The following USH2A variants were observed in gnomAD, a reference collection of about 807,000 sequenced individuals.
USH2A encodes Usher syndrome 2A (autosomal recessive, mild).
USH2A carries 443 observed loss-of-function variants against 538.9 expected under a neutral mutation model. The ratio of observed to expected loss-of-function variants is 0.82; its 90% CI spans 0.76 to 0.89. The LOEUF (loss-of-function observed/expected upper bound fraction) is 0.89. Ranked by LOEUF, USH2A falls within the 40% of genes least tolerant of loss-of-function variation. USH2A has a pLI of 0.00. For synonymous variants in USH2A, 2,413 were observed against 2,273.5 expected, an observed-to-expected ratio of 1.06 and a Z score of -1.75; for missense variants, 6,633 against 6,324.8, an observed-to-expected ratio of 1.05 and a Z score of -1.65.
intron 47 of USH2A, among the ~76,000 whole-genome samples, chr1:215,832,833 C>CA (rs1431107599): frequency 6.6e-6 from 1 of 151,756 alleles, no homozygotes; most frequent in Admixed American, 6.6e-5. Context: ...TAGGGAATTA[C>CA]AAAAAAGCTC....
At chr1:215,954,781 T>C (rs1667022649) in intron 37 of USH2A, among the ~76,000 whole-genome samples, 1 of 152,198 alleles carries the variant, frequency 6.6e-6, no homozygotes, top group Non-Finnish European at 1.5e-5. Flanking sequence ...ACTTTTACTT[T>C]ATGCCAAAGT....
intron 32 of USH2A, among the ~76,000 whole-genome samples, chr1:216,017,450 T>C (rs543070842): frequency 6.6e-6 from 1 of 152,370 alleles, no homozygotes; most frequent in South Asian, 2.1e-4. Context: ...GGCTAAATCT[T>C]TCTTGCAAAA....
At chr1:216,093,466 C>T (rs1036324863) in intron 22 of USH2A, among the ~76,000 whole-genome samples, 6 of 152,224 alleles carry the variant, frequency 3.9e-5, no homozygotes, top group African/African-American at 1.2e-4. Context: ...TCTGTTACCA[C>T]GCTTTGCACC....
chr1:216,171,858 C>T (rs2034281629), intron 21 of USH2A, among the ~76,000 whole-genome samples: 1 of 151,954 alleles, frequency 6.6e-6, no homozygotes, highest in African/African-American at 2.4e-5. Context: ...TCTTCGAAGT[C>T]CTCATAATAA....
intron 11 of USH2A, among the ~76,000 whole-genome samples, chr1:216,262,045 C>T (rs2036383552): frequency 6.6e-6 from 1 of 152,138 alleles, no homozygotes; most frequent in African/African-American, 2.4e-5. Flanking sequence ...ACTTAACACT[C>T]TAGAACTTAT....
intron 61 of USH2A, among the ~76,000 whole-genome samples, chr1:215,690,651 C>T (rs1369102319): frequency 6.6e-6 from 1 of 152,150 alleles, no homozygotes; most frequent in Non-Finnish European, 1.5e-5. Flanking sequence ...AGCTGCTTCA[C>T]CTGCAGTCTT....
intron 44 of USH2A, among the ~76,000 whole-genome samples, chr1:215,864,487 G>A (rs1411238929): frequency 6.6e-6 from 1 of 152,066 alleles, no homozygotes; most frequent in Non-Finnish European, 1.5e-5. Context: ...CAGGAAAATG[G>A]GGACCGGGTC....
At chr1:215,936,894 TC>T (rs1666513354) in intron 37 of USH2A, among the ~76,000 whole-genome samples, 2 of 152,134 alleles carry the variant, frequency 1.3e-5, no homozygotes, top group Non-Finnish European at 2.9e-5. Flanking sequence ...GGGTCTGATA[TC>T]TGGTTATTAC....
At chr1:215,967,411 C>A (rs1667375013) in intron 36 of USH2A, among the ~76,000 whole-genome samples, 1 of 152,172 alleles carries the variant, frequency 6.6e-6, no homozygotes, top group Non-Finnish European at 1.5e-5. Flanking sequence ...TTGTGATCCA[C>A]CCACTTTGAC....
At chr1:215,668,638 C>G (rs1657706399) in intron 64 of USH2A, among the ~76,000 whole-genome samples, 1 of 152,204 alleles carries the variant, frequency 6.6e-6, no homozygotes. Flanking sequence ...CTTGCCTCTC[C>G]TCTGAAATGT....
intron 12 of USH2A, among the ~76,000 whole-genome samples, chr1:216,250,686 A>T (rs1302709792): frequency 6.6e-6 from 1 of 152,214 alleles, no homozygotes; most frequent in Non-Finnish European, 1.5e-5. Flanking sequence ...CAGAATAAAG[A>T]AACTTCTAAA....
At chr1:215,965,830 G>T (rs533172158) in intron 36 of USH2A, among the ~76,000 whole-genome samples, 1 of 151,682 alleles carries the variant, frequency 6.6e-6, no homozygotes, top group Non-Finnish European at 1.5e-5. Flanking sequence ...AGAAATGCAC[G>T]CAGTCTGTTT....
intron 21 of USH2A, among the ~76,000 whole-genome samples, chr1:216,146,825 C>G (rs1235909706): frequency 2.0e-5 from 3 of 152,010 alleles, no homozygotes; most frequent in Non-Finnish European, 4.4e-5. Flanking sequence ...CCCTCCATTC[C>G]TCCTTCTTCT....
chr1:215,799,309 G>A (rs1474385296), intron 49 of USH2A, among the ~76,000 whole-genome samples, 184 bp from the exon 50 acceptor site: 1 of 152,210 alleles, frequency 6.6e-6, no homozygotes, highest in African/African-American at 2.4e-5. Flanking sequence ...ATAAACGTGT[G>A]TCAGATCAGA....
intron 21 of USH2A, among the ~76,000 whole-genome samples, chr1:216,151,787 G>A (rs1365534854): frequency 1.3e-5 from 2 of 152,096 alleles, no homozygotes; most frequent in African/African-American, 4.8e-5. Flanking sequence ...CTCAAGGATA[G>A]AGCCCAAAAA....
chr1:216,418,934 A>G (rs2039627087), intron 2 of USH2A, among the ~76,000 whole-genome samples: 1 of 152,148 alleles, frequency 6.6e-6, no homozygotes, highest in South Asian at 2.1e-4. Flanking sequence ...TTAGAGATTC[A>G]TGATGGAAAC....
chr1:215,789,806 C>T (rs565481946), intron 51 of USH2A, among the ~76,000 whole-genome samples: 21 of 152,222 alleles, frequency 1.4e-4, no homozygotes, highest in African/African-American at 4.3e-4. Context: ...GGCACACAGA[C>T]TTTCAGTCCT....
intron 4 of USH2A, among the ~76,000 whole-genome samples, chr1:216,361,927 C>T (rs533217018): frequency 6.6e-6 from 1 of 152,228 alleles, no homozygotes; most frequent in Admixed American, 6.5e-5. Flanking sequence ...GAACAGGCAA[C>T]ATTAATCTAT....
At chr1:215,722,047 A>C (rs2102707752) in intron 61 of USH2A, among the ~76,000 whole-genome samples, 1 of 148,366 alleles carries the variant, frequency 6.7e-6, no homozygotes, top group Non-Finnish European at 1.5e-5. Context: ...CCTGTGTGAC[A>C]GAGCAAGACC....
Sources: gnomAD v4.1 joint callset for allele counts (sites outside exome capture counted in the v4.1 genomes callset) on GRCh38, gnomAD v4.1.1 for gene constraint, MANE v1.5 for transcripts, NCBI Gene and HGNC (gene_info 2026-07-23, HGNC 2026-07-21) for gene names.